Variants in ROS1 observed in about 807,000 individuals in gnomAD.
ROS1 encodes the protein ROS proto-oncogene 1, receptor tyrosine kinase, also known as proto-oncogene tyrosine-protein kinase ROS.
Under a neutral mutation model 273.5 loss-of-function variants are expected in ROS1, and 263 were observed. The observed-to-expected ratio is 0.96, with a 90% CI of 0.87 to 1.06. The LOEUF (loss-of-function observed/expected upper bound fraction) is 1.06, where lower values mean the gene tolerates loss of function less well. Among genes scored for constraint, ROS1 ranks in the 50% least tolerant of loss-of-function variants. The probability of loss-of-function intolerance (pLI) is 0.00; values close to 1 mark genes in which losing one functional copy is unlikely to be tolerated. For synonymous variants in ROS1, 1,008 were observed against 954.1 expected, an observed-to-expected ratio of 1.06 and a Z score of -1.04; for missense variants, 2,833 against 2,751.1, an observed-to-expected ratio of 1.03 and a Z score of -0.67.
chr6:117,405,541 T>C (rs1582869352), intron 5 of ROS1, among the ~76,000 whole-genome samples: 1 of 151,534 alleles, frequency 6.6e-6, no homozygotes, highest in African/African-American at 2.4e-5. Flanking sequence ...TGAGGAAAAA[T>C]AACCAGGAGG....
chr6:117,289,661 C>T (rs1366893011), intron 43 of ROS1, among the ~76,000 whole-genome samples: 2 of 152,306 alleles, frequency 1.3e-5, no homozygotes, highest in South Asian at 2.1e-4. Flanking sequence ...GGTTCACAGG[C>T]TCTTTGGTAT....
intron 32 of ROS1, among the ~76,000 whole-genome samples, chr6:117,332,109 G>A (rs185010986): frequency 6.8e-6 from 1 of 148,082 alleles, no homozygotes; most frequent in East Asian, 2.0e-4. Flanking sequence ...TACATGCAAA[G>A]ACACACACAG....
intron 32 of ROS1, among the ~76,000 whole-genome samples, chr6:117,335,049 C>T (rs988382549): frequency 2.0e-5 from 3 of 152,260 alleles, no homozygotes; most frequent in Non-Finnish European, 4.4e-5. Flanking sequence ...TCAGAGTGAA[C>T]AGACAACCTA....
intron 12 of ROS1, 125 bp from the exon 13 acceptor site, chr6:117,389,971 G>A: frequency 1.2e-6 from 1 of 826,844 alleles, no homozygotes. Flanking sequence ...CTAAGTACAG[G>A]ATTTTCCAAG....
intron 14 of ROS1, among the ~76,000 whole-genome samples, 161 bp from the exon 15 acceptor site, chr6:117,387,160 T>C (rs1047939175): frequency 6.6e-6 from 1 of 152,244 alleles, no homozygotes; most frequent in Non-Finnish European, 1.5e-5. Context: ...GAGTAATTGT[T>C]ATCTGTGTAA....
At chr6:117,394,131 T>C in intron 11 of ROS1, 31 bp downstream of exon 11, 2 of 1,437,790 alleles carry the variant, frequency 1.4e-6, no homozygotes, top group Non-Finnish European at 1.9e-6. Context: ...TCACTGTCTA[T>C]CACTATTCCT....
chr6:117,289,992 T>G (rs10484304), intron 43 of ROS1, among the ~76,000 whole-genome samples: 2 of 151,928 alleles, frequency 1.3e-5, no homozygotes, highest in African/African-American at 4.8e-5. Flanking sequence ...AGTACAGTAA[T>G]CCAATAATTG....
At chr6:117,368,577 C>G (rs1780464935) in intron 18 of ROS1, among the ~76,000 whole-genome samples, 1 of 151,984 alleles carries the variant, frequency 6.6e-6, no homozygotes, top group South Asian at 2.1e-4. Context: ...GACTACGGAG[C>G]CCTTGAAATG....
chr6:117,334,036 G>A (rs182147330), intron 32 of ROS1, among the ~76,000 whole-genome samples: 2 of 152,250 alleles, frequency 1.3e-5, no homozygotes, highest in African/African-American at 4.8e-5. Context: ...ATTCAAATAG[G>A]AAGAGAGGAA....
intron 27 of ROS1, among the ~76,000 whole-genome samples, chr6:117,351,148 T>TTA (rs1333691474): frequency 6.6e-6 from 1 of 152,130 alleles, no homozygotes; most frequent in Non-Finnish European, 1.5e-5. Context: ...GGGAGGCATT[T>TTA]TATAGTCTTA....
chr6:117,388,353 C>T (rs1317936251), intron 13 of ROS1, among the ~76,000 whole-genome samples: 1 of 152,166 alleles, frequency 6.6e-6, no homozygotes, highest in East Asian at 1.9e-4. Flanking sequence ...GTAATTACCA[C>T]TGTTTGTATA....
intron 27 of ROS1, among the ~76,000 whole-genome samples, chr6:117,345,487 CTGTGCT>C (rs1345578341): frequency 1.3e-5 from 2 of 152,186 alleles, no homozygotes; most frequent in Non-Finnish European, 2.9e-5. Context: ...TTGGCTGAGA[CTGTGCT>C]TGAATTATCT....
chr6:117,293,761 A>T (rs1210403735), intron 43 of ROS1, among the ~76,000 whole-genome samples: 8 of 152,156 alleles, frequency 5.3e-5, no homozygotes. Context: ...GAAGGTCATG[A>T]TTGTGTTAAT....
In ROS1 at chr6:117,391,637, C is replaced by T. The variant is rs559793390; in HGVS notation, c.1289+1587G>A. ...TAGGACTACTAAACACAAACTATTG[C>T]TGAAAGTTACATGCTGATTTTTATA... On this transcript the variant is annotated intron_variant, in intron 12 of 43. Transcript: ENST00000368507. Among the ~76,000 whole-genome samples the T allele has an allele frequency of 2.4e-3, 359 of 152,258 alleles. 1 individual carries two copies. Among genetic ancestry groups the T allele is most frequent in the Middle Eastern group, 0.01 (3 of 294 alleles).
chr6:117,308,074 G>T (rs1775246260), intron 42 of ROS1, among the ~76,000 whole-genome samples: 1 of 152,010 alleles, frequency 6.6e-6, no homozygotes, highest in Admixed American at 6.6e-5. Flanking sequence ...TGCTCTTTTA[G>T]GAACTTCTTG....
At chr6:117,411,473 G>A (rs574856978) in intron 4 of ROS1, among the ~76,000 whole-genome samples, 3 of 152,218 alleles carry the variant, frequency 2.0e-5, no homozygotes, top group Non-Finnish European at 2.9e-5. Flanking sequence ...AATATTCCAC[G>A]TTACTGAGCT....
At chr6:117,328,310 T>C in intron 33 of ROS1, 1 of 245,426 alleles carries the variant, frequency 4.1e-6, no homozygotes, top group Non-Finnish European at 8.0e-6. Flanking sequence ...GGAGTCATTT[T>C]AGTAGCACTT....
At chr6:117,377,990 C>T (rs771398293) in intron 18 of ROS1, among the ~76,000 whole-genome samples, 5 of 152,134 alleles carry the variant, frequency 3.3e-5, no homozygotes, top group Admixed American at 1.3e-4. Flanking sequence ...CTGCTTCCCA[C>T]ACCAAAGAAT....
chr6:117,354,256 G>A (rs1315429970), intron 26 of ROS1, among the ~76,000 whole-genome samples: 1 of 151,996 alleles, frequency 6.6e-6, no homozygotes, highest in African/African-American at 2.4e-5. Flanking sequence ...GGGAGACTGA[G>A]GCAAGATGAT....
Sources: allele counts gnomAD v4.1 joint callset (sites outside exome capture counted in the v4.1 genomes callset), GRCh38; gene constraint gnomAD v4.1.1; transcripts MANE v1.5; gene names NCBI Gene and HGNC (gene_info 2026-07-23, HGNC 2026-07-21).